The following NRG3 variants were observed in gnomAD, a reference collection of about 807,000 sequenced individuals.
NRG3 encodes the protein pro-neuregulin-3, membrane-bound isoform.
In NRG3, 31 loss-of-function variants were observed where a neutral mutation model predicts 66.9. The ratio of observed to expected loss-of-function variants is 0.46; its 90% CI spans 0.35 to 0.63. The LOEUF (loss-of-function observed/expected upper bound fraction) is 0.63. Among genes scored for constraint, NRG3 ranks in the 20% least tolerant of loss-of-function variants. The pLI, the probability that NRG3 is intolerant of heterozygous loss-of-function variation, is 0.00. For synonymous variants in NRG3, 393 were observed against 359.4 expected (o/e 1.09, Z -1.06); for missense variants, 910 against 878.9 (o/e 1.04, Z -0.45).
chr10:82,732,238 C>A (rs2057946897), intron 2 of NRG3, among the ~76,000 whole-genome samples: 1 of 152,098 alleles, frequency 6.6e-6, no homozygotes, highest in African/African-American at 2.4e-5. Context: ...TTATAAAGCT[C>A]AGGAAGTATG....
chr10:82,804,834 G>A (rs988486841), intron 3 of NRG3, among the ~76,000 whole-genome samples: 1 of 152,094 alleles, frequency 6.6e-6, no homozygotes, highest in Non-Finnish European at 1.5e-5. Flanking sequence ...AGCCTATCTG[G>A]GAAGGTACAC....
chr10:82,966,051 G>A (rs1160197266), intron 6 of NRG3, among the ~76,000 whole-genome samples: 1 of 152,114 alleles, frequency 6.6e-6, no homozygotes, highest in Non-Finnish European at 1.5e-5. Flanking sequence ...GGATACCACA[G>A]CAAGTTTCTA....
At chr10:81,896,622 A>G (rs1403977339) in intron 1 of NRG3, among the ~76,000 whole-genome samples, 1 of 149,586 alleles carries the variant, frequency 6.7e-6, no homozygotes, top group East Asian at 2.0e-4. Flanking sequence ...AGCAAAGTAT[A>G]TTAGTAGATT....
chr10:82,053,944 G>T (rs12767327), intron 1 of NRG3, among the ~76,000 whole-genome samples: 36,623 of 152,116 alleles, frequency 0.24, 4,530 homozygotes, highest in Middle Eastern at 0.33. Flanking sequence ...GAAAGCTCAT[G>T]GGGTGGAATC....
At chr10:82,857,169 T>C (rs1031254482) in intron 3 of NRG3, among the ~76,000 whole-genome samples, 1 of 152,214 alleles carries the variant, frequency 6.6e-6, no homozygotes, top group Non-Finnish European at 1.5e-5. Context: ...TCACTTTGCT[T>C]AGCAGAGTGC....
In NRG3 at chr10:82,831,659, C is replaced by T. The variant is rs143686062; in HGVS notation, c.1028-33752C>T. 3.2e-3 allele frequency among the ~76,000 whole-genome samples: 488 copies of T among 152,132 alleles called. 3 individuals are homozygous for T. Among genetic ancestry groups the T allele is most frequent in the African/African-American group, 0.011 (468 of 41,514 alleles). On this transcript the variant is annotated intron_variant, in intron 3 of 8. Transcript: ENST00000372141. Reference sequence around the variant, plus strand: ...GTGAAACCTGTCTCTACTAAAAATACAAAAATTAGCTTGGTGTGGTGGCAG... The same window carrying T: ...GTGAAACCTGTCTCTACTAAAAATATAAAAATTAGCTTGGTGTGGTGGCAG...
chr10:82,525,929 A>G (rs1013442570), intron 2 of NRG3, among the ~76,000 whole-genome samples: 4 of 151,954 alleles, frequency 2.6e-5, no homozygotes, highest in Admixed American at 6.6e-5. Context: ...AAATAACTAA[A>G]TGGATGAATT....
rs182156092 is a variant in NRG3, at chr10:82,435,901, T to C, written c.953+77033T>C. On this transcript the variant is annotated intron_variant, in intron 2 of 8. Transcript: ENST00000372141. ...GTTCTAATTTGATTGCACTGTGGTC[T>C]GAGAGACTTATGATTTCCATTCTTT... Among the ~76,000 whole-genome samples the C allele has an allele frequency of 1.8e-3, 268 of 151,962 alleles. 2 individuals are homozygous for C. Among genetic ancestry groups the C allele is most frequent in the Non-Finnish European group, 3.1e-3 (211 of 67,928 alleles).
chr10:81,896,793 C>G (rs1187027921), intron 1 of NRG3, among the ~76,000 whole-genome samples: 1 of 151,958 alleles, frequency 6.6e-6, no homozygotes, highest in Non-Finnish European at 1.5e-5. Context: ...CACAGCCTGT[C>G]TCAAGATCCT....
intron 3 of NRG3, among the ~76,000 whole-genome samples, chr10:82,853,244 G>C (rs1311195347): frequency 6.6e-6 from 1 of 152,088 alleles, no homozygotes; most frequent in Non-Finnish European, 1.5e-5. Context: ...TTAGTATAAA[G>C]TTTTTGCTTA....
chr10:82,210,515 G>T (rs183088408), intron 1 of NRG3, among the ~76,000 whole-genome samples: 2 of 152,280 alleles, frequency 1.3e-5, no homozygotes, highest in East Asian at 1.9e-4. Context: ...CGAAAGAGAA[G>T]ATTTCAAACT....
intron 2 of NRG3, among the ~76,000 whole-genome samples, chr10:82,529,394 T>C (rs1353248424): frequency 6.6e-6 from 1 of 152,198 alleles, no homozygotes; most frequent in African/African-American, 2.4e-5. Flanking sequence ...GTTAGGAATT[T>C]GTAGAATATG....
intron 2 of NRG3, among the ~76,000 whole-genome samples, chr10:82,511,860 A>G (rs1391182701): frequency 1.4e-5 from 2 of 145,336 alleles, no homozygotes; most frequent in Non-Finnish European, 3.0e-5. Context: ...AGTTTAGAGA[A>G]AAAAAAAAAA....
intron 1 of NRG3, among the ~76,000 whole-genome samples, chr10:82,040,590 A>G (rs1589871763): frequency 6.6e-6 from 1 of 152,034 alleles, no homozygotes; most frequent in African/African-American, 2.4e-5. Flanking sequence ...CATTTGGCGG[A>G]TAGAAACTGC....
chr10:82,442,788 T>A (rs1164827503), intron 2 of NRG3, among the ~76,000 whole-genome samples: 1 of 91,050 alleles, frequency 1.1e-5, no homozygotes, highest in African/African-American at 7.1e-5. Context: ...GTGTGGATTT[T>A]TTTTTTTTTT....
chr10:81,924,644 A>G (rs999262086), intron 1 of NRG3, among the ~76,000 whole-genome samples: 10 of 152,328 alleles, frequency 6.6e-5, no homozygotes, highest in Admixed American at 5.9e-4. Flanking sequence ...TGGACTTTCT[A>G]TTATGGGGCT....
chr10:82,898,715 CTTTTTTT>C (rs765058089), intron 4 of NRG3, among the ~76,000 whole-genome samples: 20 of 89,388 alleles, frequency 2.2e-4, no homozygotes, highest in Admixed American at 6.9e-4. Context: ...GGAGTTTTAC[CTTTTTTT>C]TTTTTTTTTT....
At chr10:81,983,573 G>A (rs1222395809) in intron 1 of NRG3, among the ~76,000 whole-genome samples, 1 of 152,060 alleles carries the variant, frequency 6.6e-6, no homozygotes, top group African/African-American at 2.4e-5. Context: ...ATAATTTCTT[G>A]TATGACAAAG....
intron 1 of NRG3, among the ~76,000 whole-genome samples, chr10:82,312,181 G>A (rs1017237594): frequency 1.3e-5 from 2 of 152,110 alleles, no homozygotes; most frequent in Admixed American, 1.3e-4. Context: ...ATCAGTGATA[G>A]TTAACAGAGG....
Sources: allele counts gnomAD v4.1 joint callset (sites outside exome capture counted in the v4.1 genomes callset), GRCh38; gene constraint gnomAD v4.1.1; transcripts MANE v1.5; gene names NCBI Gene and HGNC (gene_info 2026-07-23, HGNC 2026-07-21).